SAMD5: variants seen among roughly 807,000 people sequenced by gnomAD.
SAMD5 encodes the protein sterile alpha motif domain-containing protein 5.
A neutral mutation model predicts 11.3 loss-of-function variants in SAMD5; 13 were observed. That is an observed-to-expected ratio of 1.15 (90% CI 0.75 to 1.83). The LOEUF is 1.83. SAMD5 is among the 40% of genes most tolerant of loss of function. The pLI, the probability that SAMD5 is intolerant of heterozygous loss-of-function variation, is 0.00. For missense variants in SAMD5, 255 were observed against 239.1 expected (o/e 1.07, Z -0.44); for synonymous variants, 129 against 111.3 (o/e 1.16, Z -1.00).
chr6:147,652,340 A>G (rs887658437), intron 1 of SAMD5, among the ~76,000 whole-genome samples: 100 of 152,218 alleles, frequency 6.6e-4, no homozygotes, highest in African/African-American at 2.0e-3. Flanking sequence ...AAACCATATT[A>G]TAAGTGTTTT....
chr6:147,532,058 T>C (rs998842658), intron 1 of SAMD5, among the ~76,000 whole-genome samples: 4 of 152,154 alleles, frequency 2.6e-5, no homozygotes, highest in Non-Finnish European at 5.9e-5. Context: ...AAACAAATGT[T>C]TGTCTCTTTT....
the SAMD5 span, among the ~76,000 whole-genome samples, chr6:147,780,204 C>CT: frequency 2.6e-3 from 380 of 143,456 alleles, 2 homozygotes; most frequent in East Asian, 8.7e-3. Context: ...TAACTTAATT[C>CT]TTTTTTTTTT....
intron 1 of SAMD5, among the ~76,000 whole-genome samples, chr6:147,679,869 T>C (rs1790916750): frequency 6.6e-6 from 1 of 151,938 alleles, no homozygotes; most frequent in South Asian, 2.1e-4. Flanking sequence ...AAATATATTT[T>C]CCCCCCTGAA....
chr6:147,925,463 T>C, the SAMD5 span, among the ~76,000 whole-genome samples: 1 of 151,698 alleles, frequency 6.6e-6, no homozygotes, highest in Admixed American at 6.6e-5. Flanking sequence ...ACACTTGTTA[T>C]AGGAACTATG....
chr6:147,759,223 T>C, the SAMD5 span, among the ~76,000 whole-genome samples: 1 of 152,330 alleles, frequency 6.6e-6, no homozygotes, highest in African/African-American at 2.4e-5. Flanking sequence ...GGAGTGTTAC[T>C]TGGTAGTTGC....
At chr6:147,929,263 TGCTGTAAGAGACATAGTTCA>T in the SAMD5 span, among the ~76,000 whole-genome samples, 60 of 152,256 alleles carry the variant, frequency 3.9e-4, no homozygotes, top group African/African-American at 1.4e-3. Flanking sequence ...AATTAGAAGG[TGCTGTAAGAGACATAGTTCA>T]GCCAATCATT....
At chr6:147,618,692 T>G (rs900990148) in intron 1 of SAMD5, among the ~76,000 whole-genome samples, 3 of 152,086 alleles carry the variant, frequency 2.0e-5, no homozygotes, top group Non-Finnish European at 2.9e-5. Context: ...CTTCAGTCCC[T>G]CCCCTGACCA....
the SAMD5 span, among the ~76,000 whole-genome samples, chr6:147,948,410 A>T: frequency 6.6e-6 from 1 of 152,252 alleles, no homozygotes; most frequent in Non-Finnish European, 1.5e-5. Context: ...AAAATGCTAG[A>T]CCACATTGTC....
chr6:147,792,610 A>G, the SAMD5 span, among the ~76,000 whole-genome samples: 1 of 152,172 alleles, frequency 6.6e-6, no homozygotes. Context: ...CCCAGATCTT[A>G]GTTTCTAATT....
chr6:147,921,540 T>C, the SAMD5 span, among the ~76,000 whole-genome samples: 1 of 152,240 alleles, frequency 6.6e-6, no homozygotes. Flanking sequence ...AAGGTACTAA[T>C]AGAGGTCTAT....
intron 1 of SAMD5, among the ~76,000 whole-genome samples, chr6:147,683,024 G>A (rs1398591301): frequency 6.6e-6 from 1 of 152,102 alleles, no homozygotes; most frequent in Non-Finnish European, 1.5e-5. Flanking sequence ...TTTTCTCTGT[G>A]CTATATAGAA....
the SAMD5 span, among the ~76,000 whole-genome samples, chr6:147,799,281 C>T: frequency 6.6e-6 from 1 of 152,028 alleles, no homozygotes; most frequent in South Asian, 2.1e-4. Flanking sequence ...CAAAATCTCT[C>T]AGCATTTGCT....
chr6:147,862,948 T>A, the SAMD5 span, among the ~76,000 whole-genome samples: 17 of 152,308 alleles, frequency 1.1e-4, no homozygotes, highest in African/African-American at 3.8e-4. Flanking sequence ...GTTTGACTAT[T>A]AGTCTTAGCT....
the SAMD5 span, among the ~76,000 whole-genome samples, chr6:147,943,839 C>A: frequency 2.0e-5 from 3 of 152,164 alleles, no homozygotes; most frequent in African/African-American, 7.2e-5. Flanking sequence ...GAATTTACAG[C>A]TGGTGCCTAA....
At chr6:147,676,991 CTCAA>C (rs1195996330) in intron 1 of SAMD5, among the ~76,000 whole-genome samples, 44 of 152,158 alleles carry the variant, frequency 2.9e-4, no homozygotes, top group Non-Finnish European at 5.0e-4. Context: ...ACTGGCTTTG[CTCAA>C]TCAAAGGAGG....
intron 1 of SAMD5, among the ~76,000 whole-genome samples, chr6:147,539,077 G>A (rs9497802): frequency 0.045 from 6,899 of 152,252 alleles, 476 homozygotes; most frequent in African/African-American, 0.14. Flanking sequence ...AGGAAAGCAT[G>A]CATTTCTAGG....
rs563772084 is a variant in SAMD5, at chr6:147,722,012, G to GA, written c.163-15298dup. On this transcript the variant is annotated intron_variant, in intron 1 of 1. Transcript: ENST00000566741. ...TCATTCAACTTTTTAATAAAAGAAAGAAAAAAATATGCTTGGTATTATTTC... is the reference window on the plus strand; with the variant it reads ...TCATTCAACTTTTTAATAAAAGAAAGAAAAAAAATATGCTTGGTATTATTTC... Among the ~76,000 whole-genome samples the GA allele has an allele frequency of 8.5e-5, 13 of 152,118 alleles. No individual in the cohort carries two copies. The South Asian group carries it at 2.7e-3, about 32-fold the overall frequency.
intron 1 of SAMD5, among the ~76,000 whole-genome samples, chr6:147,704,664 TC>T (rs1338796064): frequency 6.6e-6 from 1 of 152,096 alleles, no homozygotes; most frequent in African/African-American, 2.4e-5. Context: ...GATAACCAGA[TC>T]CCTTTAAGGT....
At chr6:147,570,422 T>C (rs1789120159), downstream of SAMD5, among the ~76,000 whole-genome samples, 1 of 152,160 alleles carries the variant, frequency 6.6e-6, no homozygotes. Flanking sequence ...ACCTGAAATG[T>C]GTTGTGATTC....
Sources: allele counts gnomAD v4.1 joint callset (sites outside exome capture counted in the v4.1 genomes callset), GRCh38; gene constraint gnomAD v4.1.1; transcripts MANE v1.5; gene names NCBI Gene and HGNC (gene_info 2026-07-23, HGNC 2026-07-21).